Variants in KHDRBS2 observed in about 807,000 individuals in gnomAD.
The protein encoded by KHDRBS2 is KH domain-containing, RNA-binding, signal transduction-associated protein 2.
KHDRBS2 carries 26 observed loss-of-function variants against 44.3 expected under a neutral mutation model. That is an observed-to-expected ratio of 0.59 (90% CI 0.43 to 0.81). KHDRBS2 has a LOEUF of 0.81. Ranked by LOEUF, KHDRBS2 falls within the 40% of genes least tolerant of loss-of-function variation. KHDRBS2 has a pLI of 0.00. For missense variants in KHDRBS2, 476 were observed against 433.1 expected (o/e 1.10, Z -0.88); for synonymous variants, 194 against 151.1 (o/e 1.28, Z -2.08).
chr6:62,259,635 C>T (rs1378116389), intron 1 of KHDRBS2, among the ~76,000 whole-genome samples: 1 of 151,812 alleles, frequency 6.6e-6, no homozygotes, highest in Non-Finnish European at 1.5e-5. Context: ...GAAAACATTT[C>T]TCGATTGAAA....
Position 61,855,894 on chromosome 6 carries a change from C to T in KHDRBS2, c.810+38741G>A, listed in dbSNP as rs191797191. Reference sequence around the variant, plus strand: ...CACCCTTCATTGCATTTTTCCCTTTCTCTCACTCAGCCCACTCCTTCTGTT... The same window carrying T: ...CACCCTTCATTGCATTTTTCCCTTTTTCTCACTCAGCCCACTCCTTCTGTT... On this transcript the variant is annotated intron_variant, in intron 6 of 8. Transcript: ENST00000281156. Among the ~76,000 whole-genome samples the T allele has an allele frequency of 1.6e-3, 245 of 152,124 alleles. 3 individuals carry two copies. The highest frequency in any genetic ancestry group is 4.1e-4 in the Non-Finnish European group (28 of 68,000).
At chr6:61,831,306 C>T (rs1791757921) in intron 6 of KHDRBS2, among the ~76,000 whole-genome samples, 1 of 151,974 alleles carries the variant, frequency 6.6e-6, no homozygotes, top group African/African-American at 2.4e-5. Flanking sequence ...TATCTATTTA[C>T]CCCTAAAGCA....
intron 2 of KHDRBS2, among the ~76,000 whole-genome samples, chr6:62,113,342 A>G (rs1398651907): frequency 1.3e-5 from 2 of 152,156 alleles, no homozygotes; most frequent in Non-Finnish European, 2.9e-5. Flanking sequence ...TTGAATTGCT[A>G]CTGACAGTTG....
chr6:62,032,916 A>C (rs963250409), intron 3 of KHDRBS2, among the ~76,000 whole-genome samples: 1 of 152,006 alleles, frequency 6.6e-6, no homozygotes, highest in Non-Finnish European at 1.5e-5. Flanking sequence ...GTGACCTTTC[A>C]GACAGAGAAT....
intron 3 of KHDRBS2, among the ~76,000 whole-genome samples, chr6:62,028,961 T>C (rs1444595450): frequency 6.6e-6 from 1 of 152,012 alleles, no homozygotes; most frequent in Non-Finnish European, 1.5e-5. Flanking sequence ...TTCTCCATTG[T>C]ACAACTAGAA....
At chr6:61,567,427 C>T in the KHDRBS2 span, among the ~76,000 whole-genome samples, 2 of 152,024 alleles carry the variant, frequency 1.3e-5, no homozygotes, top group African/African-American at 2.4e-5. Flanking sequence ...TCAGCCTATT[C>T]GTTTGAGACC....
At chr6:61,902,207 C>G (rs1395520352) in intron 4 of KHDRBS2, among the ~76,000 whole-genome samples, 1 of 152,090 alleles carries the variant, frequency 6.6e-6, no homozygotes, top group African/African-American at 2.4e-5. Context: ...CCTGGGCCTC[C>G]CAAAGTGCTG....
intron 6 of KHDRBS2, among the ~76,000 whole-genome samples, chr6:61,810,766 T>C (rs1011729562): frequency 6.6e-6 from 1 of 152,056 alleles, no homozygotes; most frequent in African/African-American, 2.4e-5. Context: ...GCTACATCTT[T>C]AATAAATAAG....
chr6:61,834,555 T>C (rs1236177731), intron 6 of KHDRBS2, among the ~76,000 whole-genome samples: 1 of 152,028 alleles, frequency 6.6e-6, no homozygotes, highest in Non-Finnish European at 1.5e-5. Context: ...ATCTATTGTG[T>C]TTGCATTTTT....
chr6:62,105,731 C>A (rs1216020456), intron 2 of KHDRBS2, among the ~76,000 whole-genome samples: 2 of 152,068 alleles, frequency 1.3e-5, no homozygotes, highest in South Asian at 2.1e-4. Flanking sequence ...AAAACCAGCT[C>A]CTGGATTCAT....
intron 1 of KHDRBS2, among the ~76,000 whole-genome samples, chr6:62,227,245 G>A (rs971074357): frequency 1.3e-5 from 2 of 152,064 alleles, no homozygotes; most frequent in African/African-American, 4.8e-5. Context: ...CACATCCCTG[G>A]TTAGCTGTAT....
At chr6:61,735,769 C>G (rs528487251) in intron 6 of KHDRBS2, among the ~76,000 whole-genome samples, 1 of 151,902 alleles carries the variant, frequency 6.6e-6, no homozygotes, top group African/African-American at 2.4e-5. Context: ...TTTCAATTGT[C>G]TCATACTTAA....
the KHDRBS2 span, among the ~76,000 whole-genome samples, chr6:61,603,446 A>G: frequency 6.6e-6 from 1 of 152,230 alleles, no homozygotes; most frequent in East Asian, 1.9e-4. Flanking sequence ...TCAGCAAATT[A>G]CCTGGGCTGT....
At chr6:61,752,126 G>T (rs1484093249) in intron 6 of KHDRBS2, among the ~76,000 whole-genome samples, 10 of 152,118 alleles carry the variant, frequency 6.6e-5, no homozygotes, top group Non-Finnish European at 1.2e-4. Flanking sequence ...GGAGGAAGAC[G>T]CAATTCCACC....
At chr6:61,758,222 A>T (rs1219432422) in intron 6 of KHDRBS2, among the ~76,000 whole-genome samples, 2 of 152,136 alleles carry the variant, frequency 1.3e-5, no homozygotes, top group African/African-American at 4.8e-5. Flanking sequence ...TGTCTCTCAG[A>T]GATCACTGTT....
At chr6:62,115,511 C>T (rs1007625907) in intron 2 of KHDRBS2, among the ~76,000 whole-genome samples, 13 of 152,244 alleles carry the variant, frequency 8.5e-5, no homozygotes, top group African/African-American at 2.6e-4. Context: ...CCTTGATGAA[C>T]TTAGTTAATC....
At chr6:61,613,310 T>C in the KHDRBS2 span, among the ~76,000 whole-genome samples, 3 of 152,226 alleles carry the variant, frequency 2.0e-5, no homozygotes, top group African/African-American at 7.2e-5. Flanking sequence ...TCAGTAAATA[T>C]TTCCTGGATG....
intron 2 of KHDRBS2, among the ~76,000 whole-genome samples, chr6:62,151,323 G>C (rs1815139683): frequency 1.3e-5 from 2 of 152,222 alleles, no homozygotes; most frequent in African/African-American, 4.8e-5. Context: ...GATTCACATA[G>C]GGTCACACAC....
Position 61,956,420 on chromosome 6 carries a change from CT to C in KHDRBS2, c.483+21645del, listed in dbSNP as rs1767331177. Among the ~76,000 whole-genome samples the C allele has an allele frequency of 2.6e-5, 4 of 152,044 alleles. No individual in the cohort carries two copies. In the South Asian group the frequency reaches 6.2e-4, roughly 24 times the overall value. ...AATTGAAGACAAAACATTTTTTTCT[CT>C]TTGATTTCATGAGACACAGTTGTAG... On this transcript the variant is annotated intron_variant, in intron 4 of 8. Coordinates refer to ENST00000281156, the MANE Select transcript of KHDRBS2 (RefSeq NM_152688.4).
Sources: gnomAD v4.1 joint callset for allele counts (sites outside exome capture counted in the v4.1 genomes callset) on GRCh38, gnomAD v4.1.1 for gene constraint, MANE v1.5 for transcripts, NCBI Gene and HGNC (gene_info 2026-07-23, HGNC 2026-07-21) for gene names.